THRAP3: variants seen among roughly 807,000 people sequenced by gnomAD.
The protein encoded by THRAP3 is thyroid hormone receptor-associated protein 3.
In THRAP3, 16 loss-of-function variants were observed where a neutral mutation model predicts 101.0. The observed-to-expected ratio is 0.16, with a 90% CI of 0.11 to 0.24. The LOEUF (loss-of-function observed/expected upper bound fraction) is 0.24. Ranked by LOEUF, THRAP3 falls within the 10% of genes least tolerant of loss-of-function variation. THRAP3 has a pLI of 1.00. For missense variants in THRAP3, 989 were observed against 1,202.7 expected (o/e 0.82, Z 2.63); for synonymous variants, 407 against 422.6 (o/e 0.96, Z 0.45).
At chr1:36,256,138 T>C (rs1645371094) in intron 1 of THRAP3, among the ~76,000 whole-genome samples, 1 of 151,714 alleles carries the variant, frequency 6.6e-6, no homozygotes, top group African/African-American at 2.4e-5. Context: ...TGCCTCAGCC[T>C]CCCATAATGT....
chr1:36,267,161 G>T (rs960507427), intron 2 of THRAP3, among the ~76,000 whole-genome samples: 3 of 152,124 alleles, frequency 2.0e-5, no homozygotes, highest in African/African-American at 7.2e-5. Flanking sequence ...TGGTATTACA[G>T]GCGTGAGCCA....
At chr1:36,241,614 T>C (rs546815882) in intron 1 of THRAP3, among the ~76,000 whole-genome samples, 15 of 150,344 alleles carry the variant, frequency 1.0e-4, no homozygotes, top group African/African-American at 3.5e-4. Flanking sequence ...AGTCTTGCTC[T>C]GTTGCCCAGG....
At chr1:36,238,541 A>C (rs989051677) in intron 1 of THRAP3, among the ~76,000 whole-genome samples, 5 of 152,058 alleles carry the variant, frequency 3.3e-5, no homozygotes, top group African/African-American at 9.7e-5. Context: ...AGTGAGCTAA[A>C]GCTTGTTTAG....
At chr1:36,287,890 CTTTG>C (rs1319112572) in intron 4 of THRAP3, 84 of 985,290 alleles carry the variant, frequency 8.5e-5, no homozygotes, top group Non-Finnish European at 1.0e-4. Context: ...GAACATGAAT[CTTTG>C]TTTGTATGGT....
At chr1:36,280,987 G>T (rs981040564) in intron 2 of THRAP3, among the ~76,000 whole-genome samples, 2 of 150,436 alleles carry the variant, frequency 1.3e-5, no homozygotes, top group African/African-American at 4.9e-5. Context: ...GTGCAATGGC[G>T]CGATCTTGGC....
At chr1:36,300,398 G>A (rs1037687323) in intron 9 of THRAP3, among the ~76,000 whole-genome samples, 4 of 152,230 alleles carry the variant, frequency 2.6e-5, no homozygotes, top group African/African-American at 9.6e-5. Context: ...TGCCAGCTAT[G>A]TTGGTGTAAA....
chr1:36,285,362 C>G (rs1489399970), intron 3 of THRAP3, among the ~76,000 whole-genome samples: 1 of 152,142 alleles, frequency 6.6e-6, no homozygotes, highest in Non-Finnish European at 1.5e-5. Context: ...AAAGTGGATC[C>G]AAGAACCCCA....
chr1:36,243,514 G>T (rs1166861187), intron 1 of THRAP3, among the ~76,000 whole-genome samples: 1 of 152,100 alleles, frequency 6.6e-6, no homozygotes, highest in African/African-American at 2.4e-5. Flanking sequence ...AGGGTTGGGG[G>T]CAAGGTCACA....
At chr1:36,259,093 AGCTTGT>A (rs1376857498) in intron 1 of THRAP3, among the ~76,000 whole-genome samples, 2 of 152,152 alleles carry the variant, frequency 1.3e-5, no homozygotes, top group Non-Finnish European at 2.9e-5. Context: ...AGTTTTGTGG[AGCTTGT>A]GAATTAGTCT....
At chr1:36,275,332 A>G (rs1482262852) in intron 2 of THRAP3, among the ~76,000 whole-genome samples, 1 of 145,218 alleles carries the variant, frequency 6.9e-6, no homozygotes, top group Non-Finnish European at 1.5e-5. Flanking sequence ...TCACGCCTGT[A>G]ATCCCAGCAC....
intron 1 of THRAP3, among the ~76,000 whole-genome samples, chr1:36,241,250 A>G (rs559174115): frequency 6.8e-6 from 1 of 147,002 alleles, no homozygotes; most frequent in African/African-American, 2.4e-5. Flanking sequence ...GACACCTGAC[A>G]CCTCTCACCA....
At chr1:36,300,261 A>G (rs1395289540) in intron 9 of THRAP3, among the ~76,000 whole-genome samples, 6 of 152,160 alleles carry the variant, frequency 3.9e-5, no homozygotes, top group East Asian at 3.8e-4. Context: ...GTGGGAGGTA[A>G]TATGTGGAGT....
Position 36,286,353 on chromosome 1 carries a change from T to C in THRAP3, c.138-15T>C. Reference sequence around the variant, plus strand: ...TCAAAAATTCAAACATTTGTCTCTTTCCTTTCCATTCCAGTTCTAGGTCTC... The same window carrying C: ...TCAAAAATTCAAACATTTGTCTCTTCCCTTTCCATTCCAGTTCTAGGTCTC... On this transcript the variant is annotated splice_polypyrimidine_tract_variant and intron_variant, in intron 3 of 11. Coordinates refer to ENST00000354618, the MANE Select transcript of THRAP3 (RefSeq NM_005119.4). This position sits in a 1 kb window ranked among gnomAD's most constrained non-coding sequence, Gnocchi z 5.5. 6.4e-7 allele frequency: 1 copy of C among 1,552,812 alleles called. No individual in the cohort carries two copies. Among genetic ancestry groups the C allele is most frequent in the South Asian group, 1.2e-5 (1 of 82,400 alleles).
chr1:36,262,887 G>A (rs1300810482), intron 2 of THRAP3, among the ~76,000 whole-genome samples: 1 of 148,846 alleles, frequency 6.7e-6, no homozygotes, highest in Non-Finnish European at 1.5e-5. Flanking sequence ...CCACCTCCCG[G>A]GGTCACGCCA....
At chr1:36,214,976 C>T in the THRAP3 span, among the ~76,000 whole-genome samples, 1 of 152,046 alleles carries the variant, frequency 6.6e-6, no homozygotes, top group South Asian at 2.1e-4. Context: ...AATCCCAGCA[C>T]TTTGGGAGGC....
At position 36,304,252 on chromosome 1, in the gene THRAP3, T is replaced by G; in HGVS notation, c.*235T>G. On this transcript the variant is annotated 3_prime_UTR_variant, in exon 12 of 12. Coordinates refer to ENST00000354618, the MANE Select transcript of THRAP3 (RefSeq NM_005119.4). ...AGCTTTTGAGCAGAATACAACGCAT[T>G]GGGCTTTAGCTGTTTTTCTCATTTG... 4.9e-6 allele frequency: 2 copies of G among 410,734 alleles called. No homozygotes were observed. The highest frequency in any genetic ancestry group is 4.2e-6 in the Non-Finnish European group (1 of 239,058). 25.4% of individuals were successfully genotyped at this position (410,734 alleles called of 1,614,324 possible). A position where few individuals can be genotyped will look rare whatever the true frequency, so the allele number is the denominator to read the frequency against.
At chr1:36,222,856 C>G (rs1644912576), upstream of THRAP3, among the ~76,000 whole-genome samples, 1 of 152,042 alleles carries the variant, frequency 6.6e-6, no homozygotes, top group Non-Finnish European at 1.5e-5. Flanking sequence ...TGGTTCAGCC[C>G]CGTGGCTCAC....
intron 1 of THRAP3, among the ~76,000 whole-genome samples, chr1:36,255,834 A>C (rs1645366772): frequency 6.6e-6 from 1 of 152,002 alleles, no homozygotes; most frequent in Non-Finnish European, 1.5e-5. Flanking sequence ...ATAAGGAAAA[A>C]AAAATTCAGT....
At chr1:36,287,766 T>C in intron 4 of THRAP3, 1 of 985,468 alleles carries the variant, frequency 1.0e-6, no homozygotes, top group African/African-American at 1.7e-5. Context: ...CAGGAAGGCC[T>C]TGTTTTAAAA....
Sources: allele counts gnomAD v4.1 joint callset (sites outside exome capture counted in the v4.1 genomes callset), GRCh38; gene constraint gnomAD v4.1.1; non-coding constraint Gnocchi (gnomAD v3.1); transcripts MANE v1.5; gene names NCBI Gene and HGNC (gene_info 2026-07-23, HGNC 2026-07-21).